AK9: variants seen among roughly 807,000 people sequenced by gnomAD.
AK9 encodes adenylate kinase domain containing 1.
AK9 carries 191 observed loss-of-function variants against 239.6 expected under a neutral mutation model. The ratio of observed to expected loss-of-function variants is 0.80; its 90% CI spans 0.71 to 0.90. AK9 has a LOEUF of 0.90. AK9 is among the 40% of genes least tolerant of loss of function. The probability of loss-of-function intolerance (pLI) is 0.00; values close to 1 mark genes in which losing one functional copy is unlikely to be tolerated. For synonymous variants in AK9, 689 were observed against 721.0 expected (o/e 0.96, Z 0.71); for missense variants, 1,995 against 2,214.7 (o/e 0.90, Z 1.99).
intron 5 of AK9, among the ~76,000 whole-genome samples, chr6:109,667,294 T>G (rs1481858101): frequency 9.6e-6 from 1 of 104,160 alleles, no homozygotes; most frequent in Non-Finnish European, 2.2e-5. Context: ...AGCCCCCCAC[T>G]CAAGTTGTTT....
At chr6:109,506,182 T>C (rs1778098620) in intron 35 of AK9, 145 bp downstream of exon 35, 1 of 688,594 alleles carries the variant, frequency 1.5e-6, no homozygotes, top group Non-Finnish European at 2.4e-6. Context: ...AATACTATTA[T>C]ATATAGTATT....
chr6:109,563,371 C>T (rs571643518), intron 24 of AK9, among the ~76,000 whole-genome samples: 1 of 151,712 alleles, frequency 6.6e-6, no homozygotes, highest in South Asian at 2.1e-4. Context: ...AAAACTTAAA[C>T]TTTTTTTCCA....
rs554963104 is a variant in AK9 at position 109,533,328 on chromosome 6, T to C, written c.3493A>G (p.Ile1165Val). Residue 1165 changes from isoleucine to valine, a missense_variant, in exon 28 of 41, where the codon ATT (isoleucine) becomes GTT (valine). Physicochemically the swap from Ile to Val is conservative, Grantham distance 29. Coordinates refer to ENST00000424296, the MANE Select transcript of AK9 (RefSeq NM_001145128.3). ...DIFDRLLPAQ[I>V]EKWKLKQKKK... ...TTTTGTTTTAGTTTCCACTTTTCAA[T>C]TTGGGCAGGAAGGAGGCGATCAAAA... 5.6e-6 allele frequency: 9 copies of C among 1,612,276 alleles called. No individual in the cohort carries two copies. The East Asian group carries it at 2.0e-4, about 36-fold the overall frequency.
chr6:109,523,396 T>C (rs1780083976), intron 29 of AK9, among the ~76,000 whole-genome samples: 1 of 152,164 alleles, frequency 6.6e-6, no homozygotes, highest in Non-Finnish European at 1.5e-5. Context: ...TTCATGGCCT[T>C]GAAGATCTGC....
chr6:109,600,567 T>A (rs1334122724), intron 17 of AK9, among the ~76,000 whole-genome samples: 1 of 152,238 alleles, frequency 6.6e-6, no homozygotes, highest in Non-Finnish European at 1.5e-5. Flanking sequence ...TGCCAGGCTT[T>A]GGTATCAGGA....
chr6:109,523,093 C>A (rs1780041939), intron 29 of AK9, among the ~76,000 whole-genome samples: 1 of 152,110 alleles, frequency 6.6e-6, no homozygotes, highest in African/African-American at 2.4e-5. Context: ...TCTAGATATT[C>A]AAATTATATA....
intron 5 of AK9, among the ~76,000 whole-genome samples, chr6:109,667,538 C>T (rs1801386326): frequency 6.6e-6 from 1 of 151,842 alleles, no homozygotes; most frequent in African/African-American, 2.4e-5. Flanking sequence ...ATCTCCTAAT[C>T]CTTTCCCTCC....
intron 21 of AK9, among the ~76,000 whole-genome samples, chr6:109,571,665 C>A (rs9320301): frequency 6.6e-6 from 1 of 152,014 alleles, no homozygotes; most frequent in Non-Finnish European, 1.5e-5. Flanking sequence ...TTTTGAAACA[C>A]ACCGTTCAAC....
At chr6:109,668,552 T>C (rs1243859090) in intron 5 of AK9, among the ~76,000 whole-genome samples, 4 of 149,978 alleles carry the variant, frequency 2.7e-5, no homozygotes, top group African/African-American at 9.7e-5. Flanking sequence ...AAGTCTTTAA[T>C]CCATCTTGAA....
At chr6:109,560,241 T>G (rs1785575321) in intron 24 of AK9, among the ~76,000 whole-genome samples, 1 of 152,256 alleles carries the variant, frequency 6.6e-6, no homozygotes, top group Non-Finnish European at 1.5e-5. Flanking sequence ...AGTTGCATCT[T>G]TCTTTTTCAA....
rs185675033 is a variant in AK9 at position 109,592,104 on chromosome 6, C to T, written c.1843-6032G>A. ...CTGTTTGAGACTGATGTTAACATCA[C>T]GTGTAGGAATGCTACATTTTCTAGG... is the stretch of plus-strand genomic sequence containing the variant. On this transcript the variant is annotated intron_variant, in intron 17 of 40. Transcript: ENST00000424296. 1.5e-4 allele frequency among the ~76,000 whole-genome samples: 22 copies of T among 149,448 alleles called. No homozygotes were observed. The East Asian group carries it at 3.7e-3, about 25-fold the overall frequency.
chr6:109,561,849 G>C (rs1365976238), intron 24 of AK9, among the ~76,000 whole-genome samples: 2 of 151,974 alleles, frequency 1.3e-5, no homozygotes, highest in African/African-American at 2.4e-5. Context: ...TGGGCATATT[G>C]AATCTGAGAG....
At chr6:109,627,672 T>C (rs996273757) in intron 12 of AK9, among the ~76,000 whole-genome samples, 4 of 151,860 alleles carry the variant, frequency 2.6e-5, no homozygotes, top group Non-Finnish European at 5.9e-5. Flanking sequence ...TTTTGTTTTT[T>C]TGAGACAGAG....
chr6:109,616,694 A>G (rs577431438), intron 13 of AK9, among the ~76,000 whole-genome samples: 1 of 152,232 alleles, frequency 6.6e-6, no homozygotes, highest in Non-Finnish European at 1.5e-5. Flanking sequence ...GCAATTTTCA[A>G]TATCTATTCC....
chr6:109,632,126 G>A (rs775545096), intron 12 of AK9: 60 of 982,090 alleles, frequency 6.1e-5, no homozygotes, highest in African/African-American at 7.0e-5. Context: ...TTCATTTTGC[G>A]GTAACTCAGT....
intron 32 of AK9, 23 bp from the exon 33 acceptor site, chr6:109,509,403 A>G: frequency 6.5e-7 from 1 of 1,528,570 alleles, no homozygotes; most frequent in Non-Finnish European, 8.9e-7. Flanking sequence ...AAACTTTTAA[A>G]TTAAATTAAA....
intron 17 of AK9, among the ~76,000 whole-genome samples, chr6:109,596,573 G>T (rs1022127302): frequency 1.8e-4 from 27 of 152,202 alleles, no homozygotes; most frequent in African/African-American, 6.5e-4. Flanking sequence ...GGGAGGGGTA[G>T]CTCAGGCTCC....
intron 5 of AK9, among the ~76,000 whole-genome samples, chr6:109,667,524 C>G (rs199786637): frequency 5.3e-5 from 8 of 151,926 alleles, no homozygotes; most frequent in Non-Finnish European, 1.0e-4. Context: ...TTTACATTAG[C>G]TATATCTCCT....
Position 109,542,160 on chromosome 6 carries a change from T to C in AK9, c.3237A>G (p.Val1079=), listed in dbSNP as rs1310626857. 1 of 1,593,042 alleles carries C rather than the reference T, an allele frequency of 6.3e-7. No individual in the cohort carries two copies. The highest frequency in any genetic ancestry group is 1.8e-5 in the Admixed American group (1 of 54,294). ...TTACTTCTTCTTCTTCTGTAAGTTG[T>C]ACTTCTGGAAGCTAAAAACAAAAAT... ...EENTKKQLPE[V]QLTEEEEVIK... The change falls in exon 27 of 41, where the codon GTA becomes GTG. Residue 1079 remains valine, a synonymous_variant. Coordinates refer to ENST00000424296, the MANE Select transcript of AK9 (RefSeq NM_001145128.3).
Sources: allele counts gnomAD v4.1 joint callset (sites outside exome capture counted in the v4.1 genomes callset), GRCh38; gene constraint gnomAD v4.1.1; transcripts MANE v1.5; gene names NCBI Gene and HGNC (gene_info 2026-07-23, HGNC 2026-07-21).